PNPLA1: variants seen among roughly 807,000 people sequenced by gnomAD.
PNPLA1 encodes omega-hydroxyceramide transacylase.
A neutral mutation model predicts 51.7 loss-of-function variants in PNPLA1; 36 were observed. The ratio of observed to expected loss-of-function variants is 0.70; its 90% CI spans 0.53 to 0.92. The LOEUF is 0.92. Ranked by LOEUF, PNPLA1 falls within the 40% of genes least tolerant of loss-of-function variation. The pLI is 0.00. For missense variants in PNPLA1, 658 were observed against 682.5 expected, an observed-to-expected ratio of 0.96 and a Z score of 0.40; for synonymous variants, 293 against 280.1, an observed-to-expected ratio of 1.05 and a Z score of -0.46.
intron 1 of PNPLA1, among the ~76,000 whole-genome samples, chr6:36,246,446 C>T (rs1769285629): frequency 6.6e-6 from 1 of 152,178 alleles, no homozygotes; most frequent in Non-Finnish European, 1.5e-5. Context: ...AAGTGATCCG[C>T]CCACCTTGGC....
intron 1 of PNPLA1, 55 bp downstream of exon 1, chr6:36,270,719 CAGA>C: frequency 6.5e-7 from 1 of 1,534,406 alleles, no homozygotes; most frequent in Non-Finnish European, 8.8e-7. Flanking sequence ...TCCACAGAGA[CAGA>C]AGGAGCGTGA....
intron 5 of PNPLA1, among the ~76,000 whole-genome samples, chr6:36,300,302 C>T (rs1770999942): frequency 6.6e-6 from 1 of 151,114 alleles, no homozygotes; most frequent in Non-Finnish European, 1.5e-5. Flanking sequence ...TCATGCCATT[C>T]TCCTGCCTCA....
chr6:36,308,336 C>T (rs1359516241), intron 8 of PNPLA1: 1 of 152,166 alleles, frequency 6.6e-6, no homozygotes, highest in East Asian at 1.9e-4. Context: ...AAGACTGCGC[C>T]ATTGCACTCC....
At chr6:36,280,130 C>T (rs1184087174) in intron 1 of PNPLA1, among the ~76,000 whole-genome samples, 7 of 152,156 alleles carry the variant, frequency 4.6e-5, no homozygotes, top group South Asian at 2.1e-4. Context: ...TGTGTGAACC[C>T]GGGAGGCGGC....
At chr6:36,282,136 GGAAA>G (rs1406503208) in intron 1 of PNPLA1, among the ~76,000 whole-genome samples, 6 of 124,040 alleles carry the variant, frequency 4.8e-5, no homozygotes, top group Non-Finnish European at 8.3e-5. Flanking sequence ...AAGGAAGGAA[GGAAA>G]GAGAGACAGA....
chr6:36,293,084 C>G lies in PNPLA1; in HGVS notation c.462C>G (p.Val154=), dbSNP rs756522215. The G allele has an allele frequency of 6.2e-7, 1 of 1,614,072 alleles. No homozygotes were observed. Among genetic ancestry groups the G allele is most frequent in the South Asian group, 1.1e-5 (1 of 91,078 alleles). ...AGGCCCTATACTGCAGCTGCTTCGT[C>G]CCGGTGTACTGTGGCCTCATCCCCC... is the stretch of plus-strand genomic sequence containing the variant. ...LIEALYCSCF[V]PVYCGLIPPT... Residue 154 remains valine, a synonymous_variant, in exon 3 of 9, where the codon GTC becomes GTG. Coordinates refer to ENST00000636260, the MANE Select transcript of PNPLA1 (RefSeq NM_001374623.1).
chr6:36,285,891 C>T (rs898741240), intron 1 of PNPLA1, among the ~76,000 whole-genome samples: 1 of 152,198 alleles, frequency 6.6e-6, no homozygotes, highest in Admixed American at 6.5e-5. Flanking sequence ...GAGTGTCTCC[C>T]AGTCAGGCCT....
chr6:36,283,007 A>G (rs1770368292), intron 1 of PNPLA1, among the ~76,000 whole-genome samples: 1 of 152,152 alleles, frequency 6.6e-6, no homozygotes, highest in South Asian at 2.1e-4. Context: ...TTAAAAATTT[A>G]ATAATAAACT....
chr6:36,313,421 A>G lies in PNPLA1; in HGVS notation c.*1535A>G, dbSNP rs1031838148. 3.9e-5 allele frequency among the ~76,000 whole-genome samples: 6 copies of G among 152,206 alleles called. No individual in the cohort carries two copies. Among genetic ancestry groups the G allele is most frequent in the African/African-American group, 1.4e-4 (6 of 41,456 alleles). ...TACCAAATCCTGAAATGCAAAACCC[A>G]GAATGAATGGGTGGAGGACCATACT... On this transcript the variant is annotated 3_prime_UTR_variant, in exon 9 of 9. Coordinates refer to ENST00000636260, the MANE Select transcript of PNPLA1 (RefSeq NM_001374623.1).
chr6:36,302,385 G>A lies in PNPLA1; in HGVS notation c.1300G>A (p.Ala434Thr), dbSNP rs750289064. The change falls in exon 6 of 9, where the codon GCA becomes ACA. Residue 434 changes from alanine (A) to threonine (T), a missense_variant. Physicochemically the swap from Ala to Thr is moderately conservative, Grantham distance 58. Transcript: ENST00000636260. ...RPSLGPSTVG[A>T]PQTLPRSSLS... Reference sequence around the variant, plus strand: ...ATCCCTGGGGCCTTCAACTGTGGGGGCACCTCAAACACTGCCCCGAAGTTC... The same window carrying A: ...ATCCCTGGGGCCTTCAACTGTGGGGACACCTCAAACACTGCCCCGAAGTTC... 1.9e-6 allele frequency: 3 copies of A among 1,600,232 alleles called. No homozygotes were observed. Among genetic ancestry groups the A allele is most frequent in the Admixed American group, 1.7e-5 (1 of 59,142 alleles).
intron 1 of PNPLA1, among the ~76,000 whole-genome samples, chr6:36,279,363 T>C (rs1770208086): frequency 6.6e-6 from 1 of 152,204 alleles, no homozygotes; most frequent in African/African-American, 2.4e-5. Context: ...GTAACTGAAA[T>C]TCTCCTGGGG....
rs1770800376 is a variant in PNPLA1 at position 36,294,575 on chromosome 6, A to G, written c.714+176A>G. On this transcript the variant is annotated intron_variant, in intron 4 of 8. Coordinates refer to ENST00000636260, the MANE Select transcript of PNPLA1 (RefSeq NM_001374623.1). The surrounding 1 kb of genome is among the most constrained non-coding windows in gnomAD (Gnocchi z 4.2). ...GCTGCTAACTAGCTATGTGACCTTG[A>G]ACAAGCGCCTCAAGCTCTCCCAGCT... is the stretch of plus-strand genomic sequence containing the variant. 6.6e-6 allele frequency among the ~76,000 whole-genome samples: 1 copy of G among 152,202 alleles called. No homozygotes were observed. Among genetic ancestry groups the G allele is most frequent in the Admixed American group, 6.5e-5 (1 of 15,278 alleles).
intron 5 of PNPLA1, among the ~76,000 whole-genome samples, chr6:36,299,527 G>A (rs938396735): frequency 2.6e-5 from 4 of 151,898 alleles, no homozygotes; most frequent in African/African-American, 7.3e-5. Flanking sequence ...GTAGAGACGG[G>A]GTTTCGCCAT....
At chr6:36,284,673 T>C (rs979025239) in intron 1 of PNPLA1, among the ~76,000 whole-genome samples, 4 of 152,110 alleles carry the variant, frequency 2.6e-5, no homozygotes, top group Non-Finnish European at 4.4e-5. Flanking sequence ...TGAGAATTCA[T>C]TGGGACTTGT....
Position 36,302,111 on chromosome 6 carries a change from T to G in PNPLA1, c.1026T>G (p.Pro342=). The G allele has an allele frequency of 6.2e-7, 1 of 1,614,238 alleles. No homozygotes were observed. Among genetic ancestry groups the G allele is most frequent in the Non-Finnish European group, 8.5e-7 (1 of 1,180,044 alleles). Residue 342 remains proline (P), a synonymous_variant, in exon 6 of 9, where the codon CCT becomes CCG. Coordinates refer to ENST00000636260, the MANE Select transcript of PNPLA1 (RefSeq NM_001374623.1). ...VQTLEFTCES[P]VSAPVSPLEQ... is the part of the protein sequence containing the mutation. The stretch of plus-strand genomic sequence containing the variant: ...CACTTGAATTCACATGCGAGTCACC[T>G]GTTTCAGCACCAGTCTCTCCACTTG...
At chr6:36,307,809 G>A (rs562760669) in intron 8 of PNPLA1, 97 bp downstream of exon 8, 27 of 1,453,776 alleles carry the variant, frequency 1.9e-5, no homozygotes, top group Non-Finnish European at 2.4e-5. Context: ...GTGTAAGGGA[G>A]TAGGGGGTGC....
chr6:36,303,339 C>T (rs563315674), intron 6 of PNPLA1, among the ~76,000 whole-genome samples: 7 of 152,162 alleles, frequency 4.6e-5, no homozygotes, highest in South Asian at 2.1e-4. Flanking sequence ...GTGATCTGCC[C>T]GCCTTGGCCT....
intron 1 of PNPLA1, among the ~76,000 whole-genome samples, chr6:36,273,287 A>G (rs1483619302): frequency 2.6e-5 from 4 of 151,760 alleles, no homozygotes; most frequent in Non-Finnish European, 5.9e-5. Flanking sequence ...ATAAATAAAG[A>G]GTAGAAAGAA....
chr6:36,266,248 C>G (rs2127321295), upstream of PNPLA1, among the ~76,000 whole-genome samples: 1 of 152,342 alleles, frequency 6.6e-6, no homozygotes, highest in South Asian at 2.1e-4. Context: ...CCTGCTAAGC[C>G]ACTTGCAGTT....
Sources: allele counts gnomAD v4.1 joint callset (sites outside exome capture counted in the v4.1 genomes callset), GRCh38; gene constraint gnomAD v4.1.1; non-coding constraint Gnocchi (gnomAD v3.1); transcripts MANE v1.5; gene names NCBI Gene and HGNC (gene_info 2026-07-23, HGNC 2026-07-21).